The following NUBPL variants were observed in gnomAD, a reference collection of about 807,000 sequenced individuals.
NUBPL encodes iron-sulfur cluster transfer protein NUBPL.
In NUBPL, 31 loss-of-function variants were observed where a neutral mutation model predicts 45.7. The observed-to-expected ratio is 0.68, with a 90% CI of 0.51 to 0.92. The LOEUF (loss-of-function observed/expected upper bound fraction) is 0.92, where lower values mean the gene tolerates loss of function less well. NUBPL is among the 40% of genes least tolerant of loss of function. The probability of loss-of-function intolerance (pLI) is 0.00; values close to 1 mark genes in which losing one functional copy is unlikely to be tolerated. For synonymous variants in NUBPL, 144 were observed against 140.9 expected, an observed-to-expected ratio of 1.02 and a Z score of -0.15; for missense variants, 401 against 398.7, an observed-to-expected ratio of 1.01 and a Z score of -0.05.
At chr14:31,636,086 T>G (rs2035488528) in intron 4 of NUBPL, among the ~76,000 whole-genome samples, 2 of 151,774 alleles carry the variant, frequency 1.3e-5, no homozygotes, top group African/African-American at 2.4e-5. Flanking sequence ...CTTTATTTCC[T>G]TCTCCTGCCT....
intron 4 of NUBPL, among the ~76,000 whole-genome samples, chr14:31,628,855 T>C (rs2035273973): frequency 6.6e-6 from 1 of 152,220 alleles, no homozygotes. Flanking sequence ...TTTTACTGTA[T>C]TACCCAGGAC....
intron 3 of NUBPL, among the ~76,000 whole-genome samples, chr14:31,576,775 G>A (rs919575959): frequency 5.3e-5 from 8 of 152,104 alleles, no homozygotes; most frequent in Admixed American, 1.3e-4. Context: ...CCTATTCCAT[G>A]TGAAAAATGG....
intron 4 of NUBPL, among the ~76,000 whole-genome samples, chr14:31,640,807 G>C (rs1021759207): frequency 3.3e-5 from 5 of 151,896 alleles, no homozygotes; most frequent in African/African-American, 4.8e-5. Flanking sequence ...AGGGTAATGG[G>C]GACATCGATC....
At chr14:31,675,530 A>T (rs1403649741) in intron 6 of NUBPL, among the ~76,000 whole-genome samples, 1 of 152,238 alleles carries the variant, frequency 6.6e-6, no homozygotes. Context: ...TATAACATAT[A>T]TACAGAAGAA....
At chr14:31,633,095 A>G (rs530613282) in intron 4 of NUBPL, among the ~76,000 whole-genome samples, 5 of 152,340 alleles carry the variant, frequency 3.3e-5, no homozygotes, top group African/African-American at 1.2e-4. Context: ...ATTAGCAACA[A>G]ATTTGGAGCA....
At chr14:31,834,546 C>T (rs145289186) in intron 8 of NUBPL, among the ~76,000 whole-genome samples, 171 of 152,236 alleles carry the variant, frequency 1.1e-3, no homozygotes, top group Non-Finnish European at 1.8e-3. Context: ...AAAAATTAGA[C>T]GATCTTTATT....
intron 6 of NUBPL, among the ~76,000 whole-genome samples, chr14:31,675,506 T>G (rs1347999578): frequency 6.6e-6 from 1 of 152,224 alleles, no homozygotes; most frequent in East Asian, 1.9e-4. Context: ...ATTGGCTCAT[T>G]TTAAACAATT....
Position 31,561,431 on chromosome 14 carries a change from T to C in NUBPL, c.-9T>C, listed in dbSNP as rs2033270716. On this transcript the variant is annotated 5_prime_UTR_variant, in exon 1 of 11. Coordinates refer to ENST00000281081, the MANE Select transcript of NUBPL (RefSeq NM_025152.3). ...TTTCCCAGCAGGGCTCACAGCAGCG[T>C]TCCGCGTCATGGGGATTTGGCAGCG... is the stretch of plus-strand genomic sequence containing the variant. 7.2e-7 allele frequency: 1 copy of C among 1,394,814 alleles called. No individual in the cohort carries two copies. Among genetic ancestry groups the C allele is most frequent in the Non-Finnish European group, 9.4e-7 (1 of 1,063,306 alleles). The allele number at this position is 1,394,814 out of a possible 1,614,324, so 86.4% of individuals were successfully genotyped here.
chr14:31,818,626 G>A lies in NUBPL; in HGVS notation c.608-8003G>A, dbSNP rs1030123350. Among the ~76,000 whole-genome samples the A allele has an allele frequency of 3.3e-5, 5 of 152,248 alleles. No individual in the cohort carries two copies. The East Asian group carries it at 9.7e-4, about 29-fold the overall frequency. On this transcript the variant is annotated intron_variant, in intron 7 of 10. Transcript: ENST00000281081. ...CAGTTCACTGCGATCTCGGCTTACT[G>A]CAAGCTCCGCCTGCTGGGTTCACGC...
In NUBPL at chr14:31,598,692, G is replaced by T. The variant is rs543198077; in HGVS notation, c.292-597G>T. Among the ~76,000 whole-genome samples, 6 of 152,264 alleles carry T rather than the reference G, an allele frequency of 3.9e-5. No individual in the cohort carries two copies. The South Asian group carries it at 1.0e-3, about 26-fold the overall frequency. ...GTTGTTTCTGAATCCTCTAGAAGAC[G>T]TTTTGTATTTAATTGTGACTTGCAT... On this transcript the variant is annotated intron_variant, in intron 3 of 10. Transcript: ENST00000281081.
chr14:31,640,922 A>T (rs565984676), intron 4 of NUBPL, among the ~76,000 whole-genome samples: 1 of 151,120 alleles, frequency 6.6e-6, no homozygotes, highest in East Asian at 2.0e-4. Flanking sequence ...TGATCTATTG[A>T]ATACCAGGTC....
At chr14:31,697,173 T>C (rs1326220584) in intron 6 of NUBPL, among the ~76,000 whole-genome samples, 1 of 152,230 alleles carries the variant, frequency 6.6e-6, no homozygotes, top group Non-Finnish European at 1.5e-5. Flanking sequence ...AAGGGTAGGC[T>C]CTAACTGTAG....
chr14:31,801,279 T>C (rs2039584697), intron 7 of NUBPL: 1 of 152,152 alleles, frequency 6.6e-6, no homozygotes, highest in South Asian at 2.1e-4. Flanking sequence ...CAAGGAAACT[T>C]AGGTGATACA....
intron 4 of NUBPL, among the ~76,000 whole-genome samples, chr14:31,653,337 G>A (rs1432555245): frequency 2.0e-5 from 3 of 152,234 alleles, no homozygotes; most frequent in South Asian, 4.2e-4. Context: ...AGACCAGGGC[G>A]TACTTTGGTC....
intron 6 of NUBPL, among the ~76,000 whole-genome samples, chr14:31,681,494 C>A (rs1324971303): frequency 6.7e-6 from 1 of 149,078 alleles, no homozygotes; most frequent in Admixed American, 6.7e-5. Context: ...TTCAAAAAAA[C>A]CGACTTTTCA....
intron 7 of NUBPL, among the ~76,000 whole-genome samples, chr14:31,809,118 G>A (rs894813869): frequency 2.0e-5 from 3 of 152,192 alleles, no homozygotes; most frequent in South Asian, 4.1e-4. Flanking sequence ...GTATCAGGAT[G>A]ATGCTGGCCT....
At chr14:31,687,451 G>A (rs1165046977) in intron 6 of NUBPL, among the ~76,000 whole-genome samples, 1 of 152,188 alleles carries the variant, frequency 6.6e-6, no homozygotes, top group Non-Finnish European at 1.5e-5. Context: ...TACACACTGT[G>A]CATGGTGCCA....
intron 8 of NUBPL, among the ~76,000 whole-genome samples, chr14:31,836,035 T>A (rs552161927): frequency 1.3e-5 from 2 of 152,352 alleles, no homozygotes; most frequent in South Asian, 4.1e-4. Flanking sequence ...TACTTACCTG[T>A]ATCTGGGTTT....
At chr14:31,698,096 G>A (rs556586204) in intron 6 of NUBPL, among the ~76,000 whole-genome samples, 1 of 151,964 alleles carries the variant, frequency 6.6e-6, no homozygotes, top group South Asian at 2.1e-4. Flanking sequence ...TTTAAGTTAC[G>A]TATTTTTCAA....
Sources: allele counts gnomAD v4.1 joint callset (sites outside exome capture counted in the v4.1 genomes callset), GRCh38; gene constraint gnomAD v4.1.1; transcripts MANE v1.5; gene names NCBI Gene and HGNC (gene_info 2026-07-23, HGNC 2026-07-21).